The following RYR1 variants were observed in gnomAD, a reference collection of about 807,000 sequenced individuals.
RYR1 encodes the protein ryanodine receptor 1.
RYR1 carries 342 observed loss-of-function variants against 583.5 expected under a neutral mutation model. The ratio of observed to expected loss-of-function variants is 0.59; its 90% CI spans 0.54 to 0.64. The LOEUF (loss-of-function observed/expected upper bound fraction) is 0.64, where lower values mean the gene tolerates loss of function less well. Ranked by LOEUF, RYR1 falls within the 30% of genes least tolerant of loss-of-function variation. The probability of loss-of-function intolerance (pLI) is 0.00; values close to 1 mark genes in which losing one functional copy is unlikely to be tolerated. For synonymous variants in RYR1, 2,791 were observed against 2,822.5 expected (o/e 0.99, Z 0.35); for missense variants, 6,032 against 6,917.2 (o/e 0.87, Z 4.54).
In RYR1 at chr19:38,525,485, A is replaced by G. The variant is rs1009040238; in HGVS notation, c.10609A>G (p.Lys3537Glu). The G allele has an allele frequency of 1.2e-5, 20 of 1,613,746 alleles. No homozygotes were observed. Among genetic ancestry groups the G allele is most frequent in the Non-Finnish European group, 1.6e-5 (19 of 1,179,938 alleles). ...PTDQDLITLA[K>E]TRYALKDTDE... is the part of the protein sequence containing the mutation. ...CGACCAAGACCTCATCACGCTGGCC[A>G]AGACCCGTTACGCCCTGGTGCCTGC... The change falls in exon 71 of 106, where the codon AAG becomes GAG. Residue 3537 changes from lysine (K) to glutamate (E), a missense_variant. Lys to Glu is a moderately conservative substitution (Grantham distance 56). Around this residue, in one of 11 missense-constraint regions of RYR1, gnomAD observed 1,493 missense variants for 1,715.5 expected, o/e 0.87. Coordinates refer to ENST00000359596, the MANE Select transcript of RYR1 (RefSeq NM_000540.3).
At chr19:38,461,264 CT>C (rs1967726366) in intron 20 of RYR1, among the ~76,000 whole-genome samples, 1 of 152,032 alleles carries the variant, frequency 6.6e-6, no homozygotes, top group Non-Finnish European at 1.5e-5. Flanking sequence ...GATACCCCGT[CT>C]TTATAGAAAA....
rs1257564776 is a variant in RYR1 at position 38,473,754 on chromosome 19, G to A, written c.4143G>A (p.Glu1381=). 1 of 1,533,256 alleles carries A rather than the reference G, an allele frequency of 6.5e-7. No homozygotes were observed. Among genetic ancestry groups the A allele is most frequent in the South Asian group, 1.2e-5 (1 of 83,388 alleles). The allele number at this position is 1,533,256 out of a possible 1,614,324, so 95.0% of individuals were successfully genotyped here. A position where few individuals can be genotyped will look rare whatever the true frequency, so the allele number is the denominator to read the frequency against. The stretch of plus-strand genomic sequence containing the variant: ...AGAATGAGAAGGATGCCACCACCGA[G>A]AAGAACAAGAAGAGAGGGTGAGTCG... ...RAENEKDATT[E]KNKKRGFLFK... Residue 1381 remains glutamate (E), a synonymous_variant, in exon 28 of 106, where the codon GAG becomes GAA. Transcript: ENST00000359596.
chr19:38,564,316 G>C (rs1169704127), intron 90 of RYR1, among the ~76,000 whole-genome samples: 3 of 152,162 alleles, frequency 2.0e-5, no homozygotes, highest in Non-Finnish European at 4.4e-5. Context: ...TTGAGGCCAG[G>C]AGTTCCAGAT....
chr19:38,584,142 G>T (rs1022299774), intron 101 of RYR1, among the ~76,000 whole-genome samples: 4 of 151,712 alleles, frequency 2.6e-5, no homozygotes, highest in African/African-American at 9.7e-5. Context: ...TGCCTCCAGC[G>T]GGCTGTTAAA....
At chr19:38,503,047 C>T (rs769489565) in intron 49 of RYR1, 77 bp downstream of exon 49, 110 of 1,437,132 alleles carry the variant, frequency 7.7e-5, no homozygotes, top group Admixed American at 1.2e-4. Context: ...CTGCGGGGCT[C>T]ATTTGTGTCG....
At chr19:38,564,600 C>A (rs963762456) in intron 90 of RYR1, among the ~76,000 whole-genome samples, 1 of 152,010 alleles carries the variant, frequency 6.6e-6, no homozygotes, top group African/African-American at 2.4e-5. Flanking sequence ...TCATGGCAAC[C>A]TCCGCCTCCC....
chr19:38,504,176 T>C (rs1479857718), intron 49 of RYR1, 44 bp from the exon 50 acceptor site: 1 of 1,582,168 alleles, frequency 6.3e-7, no homozygotes. Context: ...TGCCATTCGC[T>C]GGTGCCCCCC....
rs200804401 is a variant in RYR1 at position 38,525,797 on chromosome 19, G to GC, written c.10626+302dup. On this transcript the variant is annotated intron_variant, in intron 71 of 105. Coordinates refer to ENST00000359596, the MANE Select transcript of RYR1 (RefSeq NM_000540.3). ...CGCATGAGGACTGCAGGACCCCACTGCCCCCCCACCGGACCATGCCAAACC... is the reference window on the plus strand; with the variant it reads ...CGCATGAGGACTGCAGGACCCCACTGCCCCCCCCACCGGACCATGCCAAACC... 4.1e-3 allele frequency among the ~76,000 whole-genome samples: 611 copies of GC among 149,508 alleles called. 2 individuals are homozygous for GC. Among genetic ancestry groups the GC allele is most frequent in the African/African-American group, 0.012 (477 of 40,526 alleles).
At chr19:38,457,903 C>A in intron 17 of RYR1, 148 bp from the exon 18 acceptor site, 1 of 880,668 alleles carries the variant, frequency 1.1e-6, no homozygotes, top group Non-Finnish European at 1.9e-6. Flanking sequence ...CTGTTTCTGT[C>A]TTGATTCTTC....
intron 11 of RYR1, among the ~76,000 whole-genome samples, chr19:38,451,404 G>A (rs989567113): frequency 4.6e-5 from 7 of 152,162 alleles, no homozygotes; most frequent in South Asian, 2.1e-4. Flanking sequence ...CTTTCTGGTC[G>A]GGGGGAATGT....
At position 38,442,364 on chromosome 19, in the gene RYR1, C is replaced by G. The variant is rs769890047; in HGVS notation, c.181C>G (p.Leu61Val). Residue 61 changes from leucine (L) to valine (V), a missense_variant, in exon 3 of 106, where the codon CTG (leucine) becomes GTG (valine). Around this residue, in one of 11 missense-constraint regions of RYR1, gnomAD observed 6 missense variants for 30.2 expected, o/e 0.20. Transcript: ENST00000359596. ...CCCACCCCAGAATGTGCCCCCCGAT[C>G]TGGCCATCTGTTGCTTCGTCCTGGA... ...TSNAQNVPPD[L>V]AICCFVLEQS... 9.9e-6 allele frequency: 16 copies of G among 1,612,516 alleles called. No individual in the cohort carries two copies. Among genetic ancestry groups the G allele is most frequent in the Admixed American group, 5.0e-5 (3 of 59,956 alleles).
In RYR1 at chr19:38,443,780, G is replaced by A. The variant is rs756918282; in HGVS notation, c.408G>A (p.Leu136=). The part of the protein sequence containing the change: ...MTDKLAFDVG[L]QEDATGEACW... ...ACAAGCTGGCCTTCGATGTGGGACT[G>A]CAGGAGGACGCAACAGGTGCAGCAG... The change falls in exon 5 of 106, where the codon CTG becomes CTA. Residue 136 remains leucine (L), a synonymous_variant. Transcript: ENST00000359596. The A allele has an allele frequency of 3.1e-6, 5 of 1,614,156 alleles. No homozygotes were observed. Among genetic ancestry groups the A allele is most frequent in the South Asian group, 1.1e-5 (1 of 91,080 alleles).
rs778766898 is a variant in RYR1, at chr19:38,532,662, C to G, written c.11194-9C>G. 1.2e-6 allele frequency: 2 copies of G among 1,614,078 alleles called. No homozygotes were observed. The highest frequency in any genetic ancestry group is 1.1e-5 in the South Asian group (1 of 91,066). The stretch of plus-strand genomic sequence containing the variant: ...TTTGTTCATCCCTTAACTGATGCCC[C>G]CTCCCCAGAGCTGCCACCTGGAGGA... On this transcript the variant is annotated splice_polypyrimidine_tract_variant and intron_variant, in intron 77 of 105. Transcript: ENST00000359596.
rs768299629 is a variant in RYR1 at position 38,492,571 on chromosome 19, T to A, written c.6209T>A (p.Val2070Glu). The A allele has an allele frequency of 1.6e-5, 25 of 1,609,230 alleles. No homozygotes were observed. The highest frequency in any genetic ancestry group is 2.0e-5 in the Non-Finnish European group (23 of 1,177,558). ...CGCCTCATGAGCCTGTTGGAGAAAGTGCGGCTGGTGAAGAAGAAGGAAGAG... is the reference window on the plus strand; with the variant it reads ...CGCCTCATGAGCCTGTTGGAGAAAGAGCGGCTGGTGAAGAAGAAGGAAGAG... ...GSRLMSLLEK[V>E]RLVKKKEEKP... is the part of the protein sequence containing the mutation. Residue 2070 changes from valine (V) to glutamate (E), a missense_variant, in exon 38 of 106, where the codon GTG becomes GAG. This residue lies in a region of RYR1 where 2,627 missense variants were observed against 2,961.3 expected (regional missense o/e 0.89). Transcript: ENST00000359596.
intron 16 of RYR1, among the ~76,000 whole-genome samples, chr19:38,456,325 G>T (rs907984447): frequency 5.1e-5 from 7 of 136,322 alleles, no homozygotes; most frequent in African/African-American, 1.9e-4. Flanking sequence ...ACCCAGACTG[G>T]AGTGGGAGTG....
chr19:38,526,590 G>T (rs1301374031), intron 71 of RYR1, among the ~76,000 whole-genome samples: 1 of 141,750 alleles, frequency 7.1e-6, no homozygotes, highest in East Asian at 2.1e-4. Context: ...TTTGGCCCCT[G>T]TGTAACCAGT....
At chr19:38,490,489 A>G (rs1969504385) in intron 36 of RYR1, 132 bp from the exon 37 acceptor site, 3 of 802,896 alleles carry the variant, frequency 3.7e-6, no homozygotes, top group Admixed American at 2.0e-5. Flanking sequence ...TAGTCTCCCA[A>G]ATAGTCTTCA....
In RYR1 at chr19:38,525,207, G is replaced by C. The variant is rs545186999; in HGVS notation, c.10456-125G>C. On this transcript the variant is annotated intron_variant, in intron 70 of 105. Coordinates refer to ENST00000359596, the MANE Select transcript of RYR1 (RefSeq NM_000540.3). The stretch of plus-strand genomic sequence containing the variant: ...AGTCTGGGGTGGAAATTGAGGTGTC[G>C]TCGGCAGTTGGGGAGGGAGTGCCTG... 694 of 1,090,234 alleles carry C rather than the reference G, an allele frequency of 6.4e-4. 1 individual carries two copies. The highest frequency in any genetic ancestry group is 9.0e-4 in the Non-Finnish European group (652 of 725,716). The allele number at this position is 1,090,234 out of a possible 1,614,324, so 67.5% of individuals were successfully genotyped here.
chr19:38,580,641 C>T, intron 101 of RYR1, 137 bp downstream of exon 101: 1 of 1,106,730 alleles, frequency 9.0e-7, no homozygotes, highest in South Asian at 1.3e-5. Flanking sequence ...GGGACGATTA[C>T]TTGAGTCCAG....
Sources: allele counts gnomAD v4.1 joint callset (sites outside exome capture counted in the v4.1 genomes callset), GRCh38; gene constraint gnomAD v4.1.1; regional missense constraint gnomAD v4.1.1; transcripts MANE v1.5; gene names NCBI Gene and HGNC (gene_info 2026-07-23, HGNC 2026-07-21).